The following MAGI2 variants were observed in gnomAD, a reference collection of about 807,000 sequenced individuals.
MAGI2 encodes the protein membrane-associated guanylate kinase, WW and PDZ domain-containing protein 2.
In MAGI2, 35 loss-of-function variants were observed where a neutral mutation model predicts 133.3. The observed-to-expected ratio is 0.26, with a 90% CI of 0.20 to 0.35. MAGI2 has a LOEUF of 0.35. Among genes scored for constraint, MAGI2 ranks in the 10% least tolerant of loss-of-function variants. The probability of loss-of-function intolerance (pLI) is 1.00; values close to 1 mark genes in which losing one functional copy is unlikely to be tolerated. For missense variants in MAGI2, 1,636 were observed against 1,863.4 expected, an observed-to-expected ratio of 0.88 and a Z score of 2.25; for synonymous variants, 729 against 710.6, an observed-to-expected ratio of 1.03 and a Z score of -0.41.
intron 14 of MAGI2, among the ~76,000 whole-genome samples, chr7:78,177,429 CACA>C (rs779136844): frequency 0.18 from 27,576 of 151,692 alleles, 2,521 homozygotes; most frequent in Middle Eastern, 0.3. Flanking sequence ...CACACACACA[CACA>C]CACACACACA....
In MAGI2 at chr7:78,111,222, TCTC is replaced by T. The variant is rs543291567; in HGVS notation, c.3567+14469_3567+14471del. ...TTAAAAGAGAAAATGATACAACCCT[TCTC>T]CTCACTGAAGAGGCAAGTAAAGTGT... On this transcript the variant is annotated intron_variant, in intron 20 of 21. Coordinates refer to ENST00000354212, the MANE Select transcript of MAGI2 (RefSeq NM_012301.4). Among the ~76,000 whole-genome samples, 15 of 152,248 alleles carry T rather than the reference TCTC, an allele frequency of 9.9e-5. No homozygotes were observed. The South Asian group carries it at 3.1e-3, about 32-fold the overall frequency.
chr7:79,138,568 G>T (rs1821809166), intron 1 of MAGI2, among the ~76,000 whole-genome samples: 1 of 152,166 alleles, frequency 6.6e-6, no homozygotes, highest in South Asian at 2.1e-4. Flanking sequence ...TCAGACTGAA[G>T]GGAATTCCCC....
At chr7:79,020,623 G>A (rs955943620) in intron 1 of MAGI2, among the ~76,000 whole-genome samples, 1 of 151,996 alleles carries the variant, frequency 6.6e-6, no homozygotes, top group African/African-American at 2.4e-5. Flanking sequence ...AAAATTAGCT[G>A]GACATGGTGG....
chr7:78,588,573 C>T (rs1438164951), intron 3 of MAGI2, among the ~76,000 whole-genome samples: 1 of 152,170 alleles, frequency 6.6e-6, no homozygotes, highest in African/African-American at 2.4e-5. Context: ...TCATGCCCAA[C>T]CCAGAGAGGA....
chr7:78,777,267 T>C (rs1326237314), intron 2 of MAGI2, among the ~76,000 whole-genome samples: 1 of 152,330 alleles, frequency 6.6e-6, no homozygotes, highest in South Asian at 2.1e-4. Context: ...CAGCACAGTG[T>C]CAAAGAGGCA....
At chr7:79,246,742 G>A (rs927264917) in intron 1 of MAGI2, among the ~76,000 whole-genome samples, 1 of 152,156 alleles carries the variant, frequency 6.6e-6, no homozygotes, top group Non-Finnish European at 1.5e-5. Flanking sequence ...TTGTTCAACG[G>A]AATAATAATA....
chr7:78,431,368 C>G (rs975300766), intron 6 of MAGI2, among the ~76,000 whole-genome samples: 1 of 151,996 alleles, frequency 6.6e-6, no homozygotes, highest in African/African-American at 2.4e-5. Flanking sequence ...GGAGAGGAAG[C>G]AAAGCAGTGG....
chr7:79,441,003 T>A (rs566861500), intron 1 of MAGI2, among the ~76,000 whole-genome samples: 9 of 152,342 alleles, frequency 5.9e-5, no homozygotes, highest in African/African-American at 2.2e-4. Context: ...TCTGAAGAAC[T>A]AAGACATTTC....
At chr7:78,258,246 A>G (rs1171544408) in intron 9 of MAGI2, among the ~76,000 whole-genome samples, 3 of 152,212 alleles carry the variant, frequency 2.0e-5, no homozygotes, top group Non-Finnish European at 4.4e-5. Context: ...CACTGTTATT[A>G]TAATTCCTCT....
rs533262763 is a variant in MAGI2, at chr7:79,382,830, T to A, written c.301+70190A>T. Reference sequence around the variant, plus strand: ...AATTGCTGACCCCTTGAACCTTAGGTCTTCTCAGATTATAAATCTCTGAGA... The same window carrying A: ...AATTGCTGACCCCTTGAACCTTAGGACTTCTCAGATTATAAATCTCTGAGA... On this transcript the variant is annotated intron_variant, in intron 1 of 21. Transcript: ENST00000354212. Among the ~76,000 whole-genome samples the A allele has an allele frequency of 3.1e-4, 47 of 151,668 alleles. No individual in the cohort carries two copies. The South Asian group carries it at 9.3e-3, about 30-fold the overall frequency.
At chr7:78,916,496 A>G (rs1798806906) in intron 2 of MAGI2, among the ~76,000 whole-genome samples, 1 of 152,148 alleles carries the variant, frequency 6.6e-6, no homozygotes, top group African/African-American at 2.4e-5. Flanking sequence ...CATTTATAAG[A>G]TAATGCAATA....
At chr7:78,385,853 A>T (rs1463756857) in intron 6 of MAGI2, among the ~76,000 whole-genome samples, 1 of 152,254 alleles carries the variant, frequency 6.6e-6, no homozygotes, top group Non-Finnish European at 1.5e-5. Context: ...ATAAAAAGCA[A>T]CAAAGTATCT....
chr7:78,445,602 A>G (rs1163822917), intron 6 of MAGI2, among the ~76,000 whole-genome samples: 1 of 152,052 alleles, frequency 6.6e-6, no homozygotes, highest in Non-Finnish European at 1.5e-5. Context: ...TTGCTACCAC[A>G]AAAGTTTAGG....
At chr7:78,608,990 T>C (rs558451331) in intron 3 of MAGI2, among the ~76,000 whole-genome samples, 1 of 152,222 alleles carries the variant, frequency 6.6e-6, no homozygotes, top group South Asian at 2.1e-4. Flanking sequence ...CCAATCTGAG[T>C]GTCAAAACTG....
chr7:78,417,358 C>A (rs948114031), intron 6 of MAGI2, among the ~76,000 whole-genome samples: 1 of 151,714 alleles, frequency 6.6e-6, no homozygotes, highest in Non-Finnish European at 1.5e-5. Flanking sequence ...TCATGATTGA[C>A]GGGTGTGTGG....
At chr7:78,192,906 G>C (rs1462261303) in intron 12 of MAGI2, among the ~76,000 whole-genome samples, 1 of 152,040 alleles carries the variant, frequency 6.6e-6, no homozygotes, top group African/African-American at 2.4e-5. Context: ...GGTGAGGTGG[G>C]GAGTCAGGAT....
At chr7:79,275,507 C>T (rs997977224) in intron 1 of MAGI2, among the ~76,000 whole-genome samples, 2 of 152,158 alleles carry the variant, frequency 1.3e-5, no homozygotes, top group Non-Finnish European at 2.9e-5. Flanking sequence ...ATTTCAATAA[C>T]TTAAAAGTAC....
intron 15 of MAGI2, among the ~76,000 whole-genome samples, chr7:78,165,746 CATA>C (rs1480824440): frequency 2.0e-5 from 3 of 152,054 alleles, no homozygotes; most frequent in African/African-American, 4.8e-5. Context: ...CTTAGGAAAG[CATA>C]ATAATAACAA....
intron 1 of MAGI2, among the ~76,000 whole-genome samples, chr7:79,267,395 C>T (rs1211170354): frequency 6.6e-6 from 1 of 152,122 alleles, no homozygotes; most frequent in Non-Finnish European, 1.5e-5. Context: ...AGCCTCTTGC[C>T]CACTGATGGG....
Sources: allele counts gnomAD v4.1 joint callset (sites outside exome capture counted in the v4.1 genomes callset), GRCh38; gene constraint gnomAD v4.1.1; transcripts MANE v1.5; gene names NCBI Gene and HGNC (gene_info 2026-07-23, HGNC 2026-07-21).